MAP2K5: variants seen among roughly 807,000 people sequenced by gnomAD.
MAP2K5 encodes mitogen-activated protein kinase kinase 5.
Under a neutral mutation model 83.1 loss-of-function variants are expected in MAP2K5, and 49 were observed. The ratio of observed to expected loss-of-function variants is 0.59; its 90% CI spans 0.47 to 0.75. The LOEUF is 0.75. Among genes scored for constraint, MAP2K5 ranks in the 30% least tolerant of loss-of-function variants. The probability of loss-of-function intolerance (pLI) is 0.00; values close to 1 mark genes in which losing one functional copy is unlikely to be tolerated. For missense variants in MAP2K5, 457 were observed against 557.5 expected (o/e 0.82, Z 1.82); for synonymous variants, 202 against 191.8 (o/e 1.05, Z -0.44).
chr15:67,803,138 A>G (rs2090736427), intron 21 of MAP2K5, among the ~76,000 whole-genome samples: 2 of 152,228 alleles, frequency 1.3e-5, no homozygotes, highest in Non-Finnish European at 2.9e-5. Flanking sequence ...ACCTTTGGCA[A>G]ATGCCTAGCA....
chr15:67,574,571 C>CA (rs1195532031), intron 3 of MAP2K5, among the ~76,000 whole-genome samples: 2 of 148,088 alleles, frequency 1.4e-5, no homozygotes, highest in Non-Finnish European at 3.0e-5. Flanking sequence ...GACTCCATCT[C>CA]AAAAAAACAA....
intron 1 of MAP2K5, among the ~76,000 whole-genome samples, chr15:67,547,077 A>AAACACACAC (rs1555524639): frequency 6.9e-6 from 1 of 144,092 alleles, no homozygotes; most frequent in Admixed American, 6.9e-5. Flanking sequence ...AAAAGAAGAA[A>AAACACACAC]ACACACACAC....
chr15:67,545,491 T>C (rs943536123), intron 1 of MAP2K5, among the ~76,000 whole-genome samples: 2 of 152,220 alleles, frequency 1.3e-5, no homozygotes, highest in African/African-American at 4.8e-5. Context: ...GTTTCCTTAT[T>C]TGTAAAACAG....
At chr15:67,650,451 A>G (rs1596722563) in intron 11 of MAP2K5, among the ~76,000 whole-genome samples, 1 of 151,062 alleles carries the variant, frequency 6.6e-6, no homozygotes, top group African/African-American at 2.4e-5. Flanking sequence ...GATGTTAGCC[A>G]TGGGTTTGGA....
intron 21 of MAP2K5, among the ~76,000 whole-genome samples, chr15:67,798,981 C>A (rs927014570): frequency 6.6e-6 from 1 of 152,134 alleles, no homozygotes; most frequent in African/African-American, 2.4e-5. Context: ...CCAGCCTGAC[C>A]AACACGGTGA....
intron 2 of MAP2K5, among the ~76,000 whole-genome samples, chr15:67,553,685 A>G (rs62015113): frequency 0.16 from 24,857 of 151,704 alleles, 2,816 homozygotes; most frequent in African/African-American, 0.32. Flanking sequence ...AGGCCGAGGC[A>G]GGTGGATCAT....
chr15:67,733,988 G>A (rs1277591111), intron 17 of MAP2K5, among the ~76,000 whole-genome samples: 2 of 152,168 alleles, frequency 1.3e-5, no homozygotes, highest in African/African-American at 4.8e-5. Flanking sequence ...ATTAACCAAG[G>A]AAATACGTTT....
At chr15:67,727,853 G>C (rs189613660) in intron 16 of MAP2K5, 63 bp from the exon 17 acceptor site, 1 of 1,212,706 alleles carries the variant, frequency 8.2e-7, no homozygotes, top group African/African-American at 1.5e-5. Flanking sequence ...GTACTTGTCT[G>C]TCTTAAGGAG....
Position 67,652,752 on chromosome 15 carries a change from T to C in MAP2K5, c.737-5801T>C, listed in dbSNP as rs2086982158. Among the ~76,000 whole-genome samples, 1 of 152,150 alleles carries C rather than the reference T, an allele frequency of 6.6e-6. No individual in the cohort carries two copies. The highest frequency in any genetic ancestry group is 2.4e-5 in the African/African-American group (1 of 41,434). On this transcript the variant is annotated intron_variant, in intron 11 of 21. Coordinates refer to ENST00000178640, the MANE Select transcript of MAP2K5 (RefSeq NM_145160.3). This position sits in a 1 kb window ranked among gnomAD's most constrained non-coding sequence, Gnocchi z 4.2. ...TCCATCTGCAGAACTCTTTTTGTCTTGCAAAACTGAAACTCTATACCTATT... is the reference window on the plus strand; with the variant it reads ...TCCATCTGCAGAACTCTTTTTGTCTCGCAAAACTGAAACTCTATACCTATT...
At chr15:67,705,081 T>C (rs1407766934) in intron 16 of MAP2K5, among the ~76,000 whole-genome samples, 2 of 152,220 alleles carry the variant, frequency 1.3e-5, no homozygotes, top group Non-Finnish European at 2.9e-5. Flanking sequence ...ATGGTGTTGT[T>C]TTCTTTCCTT....
chr15:67,770,637 G>A lies in MAP2K5; in HGVS notation c.1196+974G>A, dbSNP rs10518744. On this transcript the variant is annotated intron_variant, in intron 20 of 21. Coordinates refer to ENST00000178640, the MANE Select transcript of MAP2K5 (RefSeq NM_145160.3). The surrounding 1 kb of genome is among the most constrained non-coding windows in gnomAD (Gnocchi z 5.0). ...ACCAGAAGAAACCCTTGGTTCTGTG[G>A]TGTGGCAAAGTAATGTTATCAGGAT... 0.075 allele frequency among the ~76,000 whole-genome samples: 11,361 copies of A among 152,254 alleles called. 579 individuals carry two copies. The highest frequency in any genetic ancestry group is 0.098 in the Non-Finnish European group (6,651 of 68,004).
chr15:67,806,094 C>T (rs1471001723), intron 21 of MAP2K5, among the ~76,000 whole-genome samples: 2 of 152,226 alleles, frequency 1.3e-5, no homozygotes, highest in African/African-American at 4.8e-5. Context: ...TGTGCACAGC[C>T]CAGCACATTC....
In MAP2K5 at chr15:67,668,532, G is replaced by A. The variant is rs1237648231; in HGVS notation, c.847+3887G>A. On this transcript the variant is annotated intron_variant, in intron 13 of 21. Transcript: ENST00000178640. The surrounding 1 kb of genome is among the most constrained non-coding windows in gnomAD (Gnocchi z 4.0). ...CAGATCCGACATTACAGGAAACATC[G>A]CAGCTTCACTTCAAAACATACATCG... 2.6e-5 allele frequency among the ~76,000 whole-genome samples: 4 copies of A among 152,192 alleles called. No homozygotes were observed. Among genetic ancestry groups the A allele is most frequent in the South Asian group, 2.1e-4 (1 of 4,812 alleles).
At chr15:67,580,268 T>A (rs1235316779) in intron 3 of MAP2K5, among the ~76,000 whole-genome samples, 1 of 152,184 alleles carries the variant, frequency 6.6e-6, no homozygotes, top group African/African-American at 2.4e-5. Flanking sequence ...TTTGGATGGG[T>A]CATATTTTGT....
chr15:67,737,844 C>CTT (rs35988425), intron 17 of MAP2K5, among the ~76,000 whole-genome samples: 30,126 of 69,292 alleles, frequency 0.43, 10,424 homozygotes, highest in East Asian at 0.72. Context: ...ATAGAATAGT[C>CTT]TTTTTTTTTT....
Position 67,664,627 on chromosome 15 carries a change from T to C in MAP2K5, c.829T>C (p.Leu277=), listed in dbSNP as rs2141153855. Residue 277 remains leucine, a synonymous_variant, in exon 13 of 22, where the codon TTA becomes CTA. Coordinates refer to ENST00000178640, the MANE Select transcript of MAP2K5 (RefSeq NM_145160.3). ...VVKGLTYLWS[L]KILHRDVKPS... Reference sequence around the variant, plus strand: ...TAAAGGCCTTACTTATTTGTGGAGTTTAAAGATTTTACATAGAGGTATGTG... The same window carrying C: ...TAAAGGCCTTACTTATTTGTGGAGTCTAAAGATTTTACATAGAGGTATGTG... 1.2e-6 allele frequency: 2 copies of C among 1,601,764 alleles called. No individual in the cohort carries two copies. Among genetic ancestry groups the C allele is most frequent in the Non-Finnish European group, 1.7e-6 (2 of 1,169,132 alleles).
chr15:67,543,242 GCC>G lies in MAP2K5; in HGVS notation c.-92_-91del. ...CCCTTGTTTTCACCCTCTGTCCTCT[GCC>G]CGTCACTCCCCTTGTCACCTCTTGG... On this transcript the variant is annotated 5_prime_UTR_variant, in exon 1 of 22. Coordinates refer to ENST00000178640, the MANE Select transcript of MAP2K5 (RefSeq NM_145160.3). The surrounding 1 kb of genome is among the most constrained non-coding windows in gnomAD (Gnocchi z 4.3). 3 of 1,291,658 alleles carry G rather than the reference GCC, an allele frequency of 2.3e-6. No homozygotes were observed. In the South Asian group the frequency reaches 3.8e-5, roughly 16 times the overall value. 80.0% of individuals were successfully genotyped at this position (1,291,658 alleles called of 1,614,324 possible).
At position 67,782,850 on chromosome 15, in the gene MAP2K5, G is replaced by A. The variant is rs188984016; in HGVS notation, c.1242+10098G>A. ...CTTCTCCAAAACAAGCTTTCCTCCCGTCAGGGAGGTCAGCAGAGCTTCGGC... is the reference window on the plus strand; with the variant it reads ...CTTCTCCAAAACAAGCTTTCCTCCCATCAGGGAGGTCAGCAGAGCTTCGGC... On this transcript the variant is annotated intron_variant, in intron 21 of 21. Transcript: ENST00000178640. This position sits in a 1 kb window ranked among gnomAD's most constrained non-coding sequence, Gnocchi z 4.9. Among the ~76,000 whole-genome samples the A allele has an allele frequency of 1.3e-3, 198 of 152,294 alleles. No homozygotes were observed. Among genetic ancestry groups the A allele is most frequent in the African/African-American group, 4.2e-3 (174 of 41,554 alleles).
chr15:67,595,322 G>A (rs1015959640), intron 7 of MAP2K5, among the ~76,000 whole-genome samples: 5 of 152,178 alleles, frequency 3.3e-5, no homozygotes, highest in African/African-American at 1.2e-4. Context: ...TGACTGGCCT[G>A]TGTTTTCCGA....
Sources: allele counts gnomAD v4.1 joint callset (sites outside exome capture counted in the v4.1 genomes callset), GRCh38; gene constraint gnomAD v4.1.1; non-coding constraint Gnocchi (gnomAD v3.1); transcripts MANE v1.5; gene names NCBI Gene and HGNC (gene_info 2026-07-23, HGNC 2026-07-21).